The following TENM3 variants were observed in gnomAD, a reference collection of about 807,000 sequenced individuals.
TENM3 encodes the protein teneurin-3.
Under a neutral mutation model 255.1 loss-of-function variants are expected in TENM3, and 63 were observed. That is an observed-to-expected ratio of 0.25 (90% confidence interval 0.20 to 0.30). The LOEUF is 0.30. Ranked by LOEUF, TENM3 falls within the 10% of genes least tolerant of loss-of-function variation. The pLI is 1.00. For missense variants in TENM3, 2,929 were observed against 3,461.1 expected (o/e 0.85, Z 3.86); for synonymous variants, 1,306 against 1,322.3 (o/e 0.99, Z 0.27).
chr4:182,543,570 A>C lies in TENM3; in HGVS notation c.512-57354A>C, dbSNP rs1186874892. 2.6e-5 allele frequency among the ~76,000 whole-genome samples: 4 copies of C among 152,292 alleles called. No homozygotes were observed. The East Asian group carries it at 7.7e-4, about 29-fold the overall frequency. On this transcript the variant is annotated intron_variant, in intron 3 of 27. Transcript: ENST00000511685. ...TAAACAGGTTACTGAGGCCTCATCT[A>C]GGCATCTGTTCCCTTATCTTTAAAA...
chr4:182,386,800 C>T (rs1420251379), intron 3 of TENM3, among the ~76,000 whole-genome samples: 2 of 152,246 alleles, frequency 1.3e-5, no homozygotes, highest in African/African-American at 4.8e-5. Flanking sequence ...GGGCAGGCCT[C>T]CGGACTGAAG....
chr4:181,872,592 T>G, the TENM3 span, among the ~76,000 whole-genome samples: 1 of 152,220 alleles, frequency 6.6e-6, no homozygotes, highest in Non-Finnish European at 1.5e-5. Context: ...TACACAAATG[T>G]CCATAATATT....
the TENM3 span, among the ~76,000 whole-genome samples, chr4:181,811,024 G>T: frequency 6.6e-6 from 1 of 152,172 alleles, no homozygotes; most frequent in Non-Finnish European, 1.5e-5. Flanking sequence ...TTGATTTTGG[G>T]AGGCTGGCAG....
the TENM3 span, among the ~76,000 whole-genome samples, chr4:182,064,181 C>T: frequency 1.1e-4 from 16 of 145,364 alleles, no homozygotes; most frequent in Non-Finnish European, 1.8e-4. Context: ...TTTGTATTAC[C>T]GATTAAAAAA....
the TENM3 span, among the ~76,000 whole-genome samples, chr4:181,874,922 C>T: frequency 1.3e-5 from 2 of 152,192 alleles, no homozygotes; most frequent in South Asian, 2.1e-4. Context: ...TTCAAAGATC[C>T]GTCCTGCACT....
chr4:182,132,428 A>C, the TENM3 span, among the ~76,000 whole-genome samples: 1 of 152,150 alleles, frequency 6.6e-6, no homozygotes, highest in Non-Finnish European at 1.5e-5. Flanking sequence ...GGTTGCAGTG[A>C]GCTGAGATCA....
the TENM3 span, among the ~76,000 whole-genome samples, chr4:181,919,374 G>GGTGTGTGTGTGTGTGTGTGTGTGTGT: frequency 5.4e-3 from 797 of 146,798 alleles, 8 homozygotes; most frequent in African/African-American, 0.016. Context: ...AAGCAAAGCA[G>GGTGTGTGTGTGTGTGTGTGTGTGTGT]GTGTGTGTGT....
At chr4:181,717,123 A>G in the TENM3 span, among the ~76,000 whole-genome samples, 2 of 152,316 alleles carry the variant, frequency 1.3e-5, no homozygotes, top group Admixed American at 6.5e-5. Flanking sequence ...GCTGACTTCT[A>G]AGTAAACAGG....
the TENM3 span, among the ~76,000 whole-genome samples, chr4:182,021,038 A>G: frequency 6.6e-6 from 1 of 151,980 alleles, no homozygotes; most frequent in Admixed American, 6.6e-5. Flanking sequence ...TGTTGAACCT[A>G]TAACCCAAAT....
chr4:182,095,572 C>T, the TENM3 span, among the ~76,000 whole-genome samples: 2,762 of 152,118 alleles, frequency 0.018, 72 homozygotes, highest in African/African-American at 0.061. Flanking sequence ...AAAAGAGGGA[C>T]TGATCAATGG....
the TENM3 span, among the ~76,000 whole-genome samples, chr4:182,018,491 A>G: frequency 1.2e-3 from 177 of 152,332 alleles, no homozygotes; most frequent in African/African-American, 4.1e-3. Flanking sequence ...AGGAGCTAGG[A>G]AAACCAGCAT....
At chr4:182,684,680 T>A (rs1253081139) in intron 11 of TENM3, among the ~76,000 whole-genome samples, 2 of 152,152 alleles carry the variant, frequency 1.3e-5, no homozygotes, top group Non-Finnish European at 2.9e-5. Flanking sequence ...GTGGTGGTAG[T>A]AGTTACTATG....
At chr4:182,236,963 T>C (rs541212585) in intron 1 of TENM3, among the ~76,000 whole-genome samples, 1 of 152,304 alleles carries the variant, frequency 6.6e-6, no homozygotes, top group African/African-American at 2.4e-5. Flanking sequence ...AAGCCTGGCA[T>C]ACATTAGCTA....
At chr4:182,797,605 A>C (rs1023680408) in intron 27 of TENM3, among the ~76,000 whole-genome samples, 1 of 152,172 alleles carries the variant, frequency 6.6e-6, no homozygotes, top group Admixed American at 6.5e-5. Flanking sequence ...AAAGAAATAT[A>C]ATAGAAAATT....
the TENM3 span, among the ~76,000 whole-genome samples, chr4:181,698,483 G>A: frequency 1.3e-5 from 2 of 152,080 alleles, no homozygotes; most frequent in East Asian, 3.9e-4. Flanking sequence ...AAATCACTCT[G>A]GCATGCTTTC....
intron 22 of TENM3, among the ~76,000 whole-genome samples, chr4:182,755,561 G>C (rs1014109999): frequency 2.0e-5 from 3 of 151,792 alleles, no homozygotes; most frequent in Admixed American, 2.0e-4. Flanking sequence ...AAAAATGGCC[G>C]GGCGCAGTGG....
At chr4:182,165,765 G>A (rs1273199084) in intron 1 of TENM3, among the ~76,000 whole-genome samples, 1 of 152,112 alleles carries the variant, frequency 6.6e-6, no homozygotes, top group Non-Finnish European at 1.5e-5. Context: ...GGTGAAGCAG[G>A]GCAGGTGTAA....
At chr4:182,062,425 T>C in the TENM3 span, among the ~76,000 whole-genome samples, 2 of 152,346 alleles carry the variant, frequency 1.3e-5, no homozygotes, top group Non-Finnish European at 2.9e-5. Context: ...GTCTCCACAT[T>C]GATTCTTTGC....
the TENM3 span, among the ~76,000 whole-genome samples, chr4:181,714,030 C>T: frequency 6.6e-6 from 1 of 152,118 alleles, no homozygotes; most frequent in East Asian, 1.9e-4. Flanking sequence ...GATAAACTTA[C>T]TTGAGGAAGA....
Sources: allele counts gnomAD v4.1 joint callset (sites outside exome capture counted in the v4.1 genomes callset), GRCh38; gene constraint gnomAD v4.1.1; transcripts MANE v1.5; gene names NCBI Gene and HGNC (gene_info 2026-07-23, HGNC 2026-07-21).